Variants in FAF1 observed in about 807,000 individuals in gnomAD.
The protein encoded by FAF1 is Fas associated factor 1.
In FAF1, 25 loss-of-function variants were observed where a neutral mutation model predicts 92.5. The ratio of observed to expected loss-of-function variants is 0.27; its 90% CI spans 0.20 to 0.38. The LOEUF (loss-of-function observed/expected upper bound fraction) is 0.38, where lower values mean the gene tolerates loss of function less well. Ranked by LOEUF, FAF1 falls within the 10% of genes least tolerant of loss-of-function variation. The pLI, the probability that FAF1 is intolerant of heterozygous loss-of-function variation, is 1.00. For synonymous variants in FAF1, 234 were observed against 273.2 expected, an observed-to-expected ratio of 0.86 and a Z score of 1.42; for missense variants, 636 against 793.3, an observed-to-expected ratio of 0.80 and a Z score of 2.38.
intron 8 of FAF1, among the ~76,000 whole-genome samples, chr1:50,643,596 A>T (rs545535293): frequency 3.4e-4 from 51 of 152,076 alleles, no homozygotes; most frequent in African/African-American, 7.0e-4. Flanking sequence ...TTTAAAAAAA[A>T]TTTTTCTTTT....
At chr1:50,700,052 T>C (rs1339250357) in intron 7 of FAF1, among the ~76,000 whole-genome samples, 5 of 152,056 alleles carry the variant, frequency 3.3e-5, no homozygotes, top group Non-Finnish European at 5.9e-5. Context: ...AAAACTCCAA[T>C]TGGCTTTTCA....
chr1:50,689,987 A>G (rs1557476854), intron 7 of FAF1, among the ~76,000 whole-genome samples: 1 of 146,836 alleles, frequency 6.8e-6, no homozygotes, highest in African/African-American at 2.5e-5. Context: ...AAATTACATT[A>G]TATTTCTTTT....
chr1:50,650,271 C>T (rs1450741372), intron 8 of FAF1, among the ~76,000 whole-genome samples: 7 of 125,920 alleles, frequency 5.6e-5, no homozygotes, highest in South Asian at 2.5e-4. Flanking sequence ...GCAACAAGAG[C>T]GAAACTCTGT....
At chr1:50,454,490 G>A (rs557573499) in intron 18 of FAF1, among the ~76,000 whole-genome samples, 6 of 152,268 alleles carry the variant, frequency 3.9e-5, no homozygotes, top group African/African-American at 1.2e-4. Context: ...CTAGGCCATC[G>A]GCTCATGGAA....
intron 1 of FAF1, among the ~76,000 whole-genome samples, chr1:50,922,591 G>A (rs1644973698): frequency 6.6e-6 from 1 of 151,644 alleles, no homozygotes; most frequent in African/African-American, 2.4e-5. Context: ...AGCCGAGGAG[G>A]GTGGATCACC....
chr1:50,623,088 C>T (rs1447799189), intron 8 of FAF1, among the ~76,000 whole-genome samples: 1 of 152,146 alleles, frequency 6.6e-6, no homozygotes, highest in Non-Finnish European at 1.5e-5. Flanking sequence ...TGAACTTTAC[C>T]TGTATTGCTT....
chr1:50,705,928 T>C (rs1276290271), intron 6 of FAF1, 37 bp from the exon 7 acceptor site: 3 of 1,305,634 alleles, frequency 2.3e-6, no homozygotes, highest in East Asian at 4.6e-5. Flanking sequence ...AACTCAGAGA[T>C]GAACAAGTTC....
chr1:50,511,897 G>C (rs1368690875), intron 15 of FAF1, among the ~76,000 whole-genome samples: 1 of 152,072 alleles, frequency 6.6e-6, no homozygotes, highest in Non-Finnish European at 1.5e-5. Context: ...CACATCCTCT[G>C]TAGTATCTAT....
At chr1:50,892,029 T>C (rs1026418466) in intron 1 of FAF1, among the ~76,000 whole-genome samples, 1 of 152,146 alleles carries the variant, frequency 6.6e-6, no homozygotes. Flanking sequence ...CCCCGCCACT[T>C]TGTTTACCTA....
At chr1:50,552,521 A>G (rs1649361931) in intron 13 of FAF1, among the ~76,000 whole-genome samples, 1 of 152,218 alleles carries the variant, frequency 6.6e-6, no homozygotes, top group Non-Finnish European at 1.5e-5. Context: ...TATAACTCTT[A>G]TCCTTATAAA....
intron 15 of FAF1, among the ~76,000 whole-genome samples, chr1:50,512,645 T>C (rs898552822): frequency 3.9e-4 from 60 of 152,188 alleles, no homozygotes; most frequent in African/African-American, 1.3e-3. Context: ...AGCCTTGTAG[T>C]ATAGTTTGAA....
At chr1:50,918,856 T>C (rs1482741417) in intron 1 of FAF1, among the ~76,000 whole-genome samples, 1 of 148,018 alleles carries the variant, frequency 6.8e-6, no homozygotes, top group South Asian at 2.2e-4. Context: ...CAGCACCTGT[T>C]GTTTCCTGAC....
chr1:50,629,238 C>T (rs1212905699), intron 8 of FAF1, among the ~76,000 whole-genome samples: 2 of 146,110 alleles, frequency 1.4e-5, no homozygotes, highest in East Asian at 2.0e-4. Context: ...GGTGCGATCT[C>T]GGCTCACTGC....
chr1:50,823,103 T>G (rs187465088), intron 2 of FAF1, among the ~76,000 whole-genome samples: 127 of 152,210 alleles, frequency 8.3e-4, no homozygotes, highest in African/African-American at 3.0e-3. Flanking sequence ...GTTTATGAGT[T>G]AGACATCCCG....
chr1:50,796,669 G>A (rs1166836415), intron 3 of FAF1, among the ~76,000 whole-genome samples: 1 of 151,932 alleles, frequency 6.6e-6, no homozygotes, highest in Non-Finnish European at 1.5e-5. Flanking sequence ...CTCTTTCCCT[G>A]GGCTCCTTTC....
intron 1 of FAF1, among the ~76,000 whole-genome samples, chr1:50,872,801 G>A (rs1644538897): frequency 6.6e-6 from 1 of 152,082 alleles, no homozygotes; most frequent in Non-Finnish European, 1.5e-5. Context: ...TCAGGAGGCT[G>A]AGGCAGGAGA....
chr1:50,755,100 C>T (rs189957791), intron 4 of FAF1, among the ~76,000 whole-genome samples: 80 of 152,258 alleles, frequency 5.3e-4, no homozygotes, highest in Non-Finnish European at 7.9e-4. Context: ...GCCTTCCCAA[C>T]AGTCCCCCAA....
intron 15 of FAF1, among the ~76,000 whole-genome samples, chr1:50,494,310 G>A (rs1002318443): frequency 6.6e-6 from 1 of 152,124 alleles, no homozygotes; most frequent in African/African-American, 2.4e-5. Flanking sequence ...AGGTATTGTG[G>A]TTAACACTTC....
chr1:50,676,638 G>A (rs907311828), intron 7 of FAF1, among the ~76,000 whole-genome samples: 16 of 151,848 alleles, frequency 1.1e-4, no homozygotes, highest in Admixed American at 6.6e-5. Context: ...CCTGGCCAAC[G>A]TGGTAAAACC....
Sources: allele counts gnomAD v4.1 joint callset (sites outside exome capture counted in the v4.1 genomes callset), GRCh38; gene constraint gnomAD v4.1.1; transcripts MANE v1.5; gene names NCBI Gene and HGNC (gene_info 2026-07-23, HGNC 2026-07-21).